The following FHIT variants were observed in gnomAD, a reference collection of about 807,000 sequenced individuals.
The protein encoded by FHIT is fragile histidine triad diadenosine triphosphatase.
A neutral mutation model predicts 17.9 loss-of-function variants in FHIT; 19 were observed. The ratio of observed to expected loss-of-function variants is 1.06; its 90% confidence interval spans 0.74 to 1.56. The LOEUF is 1.56. FHIT is among the 40% of genes most tolerant of loss of function. The pLI, the probability that FHIT is intolerant of heterozygous loss-of-function variation, is 0.00. For missense variants in FHIT, 248 were observed against 189.2 expected (o/e 1.31, Z -1.82); for synonymous variants, 81 against 69.7 (o/e 1.16, Z -0.81).
intron 5 of FHIT, among the ~76,000 whole-genome samples, chr3:60,466,392 G>T (rs1356674645): frequency 2.0e-5 from 3 of 151,990 alleles, no homozygotes; most frequent in Non-Finnish European, 4.4e-5. Context: ...GATTTCTCTA[G>T]CTATGACTTC....
intron 5 of FHIT, among the ~76,000 whole-genome samples, chr3:60,291,102 C>T (rs1707963724): frequency 6.6e-6 from 1 of 152,148 alleles, no homozygotes; most frequent in Admixed American, 6.5e-5. Context: ...GAAATCAAGG[C>T]TGCAGACACA....
chr3:60,620,596 A>C lies in FHIT; in HGVS notation c.-17-83617T>G, dbSNP rs928437110. 3.9e-5 allele frequency among the ~76,000 whole-genome samples: 6 copies of C among 152,198 alleles called. No individual in the cohort carries two copies. In the South Asian group the frequency reaches 6.2e-4, roughly 16 times the overall value. ...GATGGGATACATTGGAAAAAAAAAAAAAACTATGAAGAGAATACAAAGATC... is the reference window on the plus strand; with the variant it reads ...GATGGGATACATTGGAAAAAAAAAACAAACTATGAAGAGAATACAAAGATC... On this transcript the variant is annotated intron_variant, in intron 4 of 9. Coordinates refer to ENST00000492590, the MANE Select transcript of FHIT (RefSeq NM_002012.4).
chr3:60,552,963 A>ACATGG (rs1041503129), intron 4 of FHIT, among the ~76,000 whole-genome samples: 2 of 152,190 alleles, frequency 1.3e-5, no homozygotes, highest in Non-Finnish European at 2.9e-5. Flanking sequence ...AGGCATGTCT[A>ACATGG]CATGGTCCCG....
intron 8 of FHIT, among the ~76,000 whole-genome samples, chr3:59,880,591 A>G (rs1015019692): frequency 2.0e-5 from 3 of 152,132 alleles, no homozygotes; most frequent in Non-Finnish European, 2.9e-5. Context: ...CTCAATTTCT[A>G]TGTGCCTCAG....
intron 4 of FHIT, among the ~76,000 whole-genome samples, chr3:60,657,448 G>T (rs2040143902): frequency 6.6e-6 from 1 of 152,094 alleles, no homozygotes. Flanking sequence ...CCTTGTCCTG[G>T]GTCCTTTGAT....
At chr3:60,037,384 G>C (rs2106815278) in intron 5 of FHIT, among the ~76,000 whole-genome samples, 1 of 138,896 alleles carries the variant, frequency 7.2e-6, no homozygotes, top group South Asian at 2.3e-4. Context: ...TTAAAACCAA[G>C]TCTTTCTTTT....
intron 3 of FHIT, among the ~76,000 whole-genome samples, chr3:60,849,359 T>TGAACAATGAGACATGAGACATGA (rs1468379894): frequency 1.3e-5 from 2 of 151,108 alleles, no homozygotes; most frequent in African/African-American, 4.9e-5. Flanking sequence ...AGGAACAGAC[T>TGAACAATGAGACATGAGACATGA]GAACAATGAG....
intron 5 of FHIT, among the ~76,000 whole-genome samples, chr3:60,446,028 C>T (rs958048837): frequency 1.3e-5 from 2 of 152,080 alleles, no homozygotes; most frequent in Non-Finnish European, 2.9e-5. Flanking sequence ...TACTGAAAAG[C>T]AGCAGTTGGA....
intron 5 of FHIT, among the ~76,000 whole-genome samples, chr3:60,224,256 T>G (rs375392581): frequency 3.6e-4 from 54 of 152,088 alleles, no homozygotes; most frequent in African/African-American, 1.1e-3. Flanking sequence ...GGTTCCAGAG[T>G]CCGTACTCTA....
intron 2 of FHIT, among the ~76,000 whole-genome samples, chr3:61,047,444 AAGG>A (rs201073851): frequency 0.046 from 7,057 of 152,280 alleles, 190 homozygotes; most frequent in African/African-American, 0.054. Flanking sequence ...GAACCTCTTC[AAGG>A]AGAACTACAA....
chr3:60,911,355 T>G (rs1335243840), intron 3 of FHIT, among the ~76,000 whole-genome samples: 2 of 132,634 alleles, frequency 1.5e-5, no homozygotes, highest in Admixed American at 8.4e-5. Flanking sequence ...GAGAGTTCCA[T>G]TTAAATTCTT....
At chr3:60,168,177 T>G (rs1701260800) in intron 5 of FHIT, among the ~76,000 whole-genome samples, 1 of 152,156 alleles carries the variant, frequency 6.6e-6, no homozygotes, top group East Asian at 1.9e-4. Flanking sequence ...GGCCTGGCAA[T>G]AAACACTTGA....
chr3:60,925,863 A>G (rs1409266202), intron 3 of FHIT, among the ~76,000 whole-genome samples: 2 of 152,212 alleles, frequency 1.3e-5, no homozygotes, highest in Non-Finnish European at 2.9e-5. Flanking sequence ...ATGGAAGAAG[A>G]TCTACCAAGC....
intron 5 of FHIT, among the ~76,000 whole-genome samples, chr3:60,281,407 G>T (rs553908912): frequency 1.3e-5 from 2 of 152,104 alleles, no homozygotes; most frequent in Non-Finnish European, 2.9e-5. Context: ...AAAGTTGAAG[G>T]AGTGATACTA....
chr3:60,098,006 G>A (rs2107127601), intron 5 of FHIT, among the ~76,000 whole-genome samples: 1 of 151,520 alleles, frequency 6.6e-6, no homozygotes, highest in East Asian at 1.9e-4. Context: ...GAGAATGATG[G>A]TTTCCAGTTT....
intron 4 of FHIT, among the ~76,000 whole-genome samples, chr3:60,767,285 G>A (rs143459464): frequency 6.6e-6 from 1 of 152,290 alleles, no homozygotes; most frequent in Non-Finnish European, 1.5e-5. Flanking sequence ...CAGTTTATAA[G>A]AACAGAGAGG....
intron 3 of FHIT, among the ~76,000 whole-genome samples, chr3:60,946,099 C>T (rs1553775744): frequency 6.6e-6 from 1 of 152,078 alleles, no homozygotes. Flanking sequence ...AGCATCTGAG[C>T]TGAGCAAGGA....
In FHIT at chr3:60,205,751, T is replaced by G. The variant is rs372709729; in HGVS notation, c.104-191599A>C. Among the ~76,000 whole-genome samples, 7 of 152,194 alleles carry G rather than the reference T, an allele frequency of 4.6e-5. No homozygotes were observed. The East Asian group carries it at 5.8e-4, about 13-fold the overall frequency. On this transcript the variant is annotated intron_variant, in intron 5 of 9. Coordinates refer to ENST00000492590, the MANE Select transcript of FHIT (RefSeq NM_002012.4). Reference sequence around the variant, plus strand: ...TGAATACGTATGTGTATTCTTGAATTTCATGGTCATATTTATGCATTTTTG... The same window carrying G: ...TGAATACGTATGTGTATTCTTGAATGTCATGGTCATATTTATGCATTTTTG...
intron 8 of FHIT, among the ~76,000 whole-genome samples, chr3:59,837,468 C>T (rs1026871179): frequency 5.3e-5 from 8 of 152,082 alleles, no homozygotes; most frequent in African/African-American, 1.9e-4. Context: ...AGTACAAACA[C>T]AATTCCCCCC....
Sources: gnomAD v4.1 joint callset for allele counts (sites outside exome capture counted in the v4.1 genomes callset) on GRCh38, gnomAD v4.1.1 for gene constraint, MANE v1.5 for transcripts, NCBI Gene and HGNC (gene_info 2026-07-23, HGNC 2026-07-21) for gene names.